TBC1D12: variants seen among roughly 807,000 people sequenced by gnomAD.
TBC1D12 encodes TBC1 domain family member 12.
Under a neutral mutation model 86.7 loss-of-function variants are expected in TBC1D12, and 56 were observed. The ratio of observed to expected loss-of-function variants is 0.65; its 90% CI spans 0.52 to 0.81. TBC1D12 has a LOEUF of 0.81. Among genes scored for constraint, TBC1D12 ranks in the 30% least tolerant of loss-of-function variants. The pLI is 0.00. For synonymous variants in TBC1D12, 421 were observed against 411.7 expected, an observed-to-expected ratio of 1.02 and a Z score of -0.27; for missense variants, 1,023 against 1,038.8, an observed-to-expected ratio of 0.98 and a Z score of 0.21.
At chr10:94,513,542 A>C in intron 9 of TBC1D12, among the ~76,000 whole-genome samples, 2 of 152,194 alleles carry the variant, frequency 1.3e-5, no homozygotes, top group East Asian at 3.9e-4. Flanking sequence ...TTTTCTCTGA[A>C]CTTGTATTTC....
rs576280972 is a variant in TBC1D12 at position 94,517,247 on chromosome 10, G to A, written c.1762-4708G>A. Among the ~76,000 whole-genome samples, 28 of 152,094 alleles carry A rather than the reference G, an allele frequency of 1.8e-4. 1 individual carries two copies. In the South Asian group the frequency reaches 3.1e-3, roughly 17 times the overall value. The stretch of plus-strand genomic sequence containing the variant: ...ACAAAAATTACATGGGTGTGGAGGC[G>A]CATGCCTGTAATCCCAGCTACTCAG... On this transcript the variant is annotated intron_variant, in intron 9 of 12. Transcript: ENST00000225235.
chr10:94,483,880 CA>C (rs1554944139), intron 3 of TBC1D12, among the ~76,000 whole-genome samples: 5 of 152,124 alleles, frequency 3.3e-5, no homozygotes, highest in Non-Finnish European at 7.4e-5. Context: ...AGAGTTTCCC[CA>C]GTGTTTTCTT....
chr10:94,522,395 A>G lies in TBC1D12; in HGVS notation c.1942A>G (p.Lys648Glu), dbSNP rs752347431. Residue 648 changes from lysine (K) to glutamate (E), a missense_variant, in exon 11 of 13, where the codon AAA becomes GAA. Around this residue, in one of 2 missense-constraint regions of TBC1D12, gnomAD observed 395 missense variants for 507.7 expected, o/e 0.78. Coordinates refer to ENST00000225235, the MANE Select transcript of TBC1D12 (RefSeq NM_015188.2). ...AGTATTCTTTGAAGAAAATCTTTCC[A>G]AATTATTTCTTCACTTCAAATCTTA... The part of the protein sequence containing the change: ...FEVFFEENLS[K>E]LFLHFKSYSL... The G allele has an allele frequency of 6.8e-7, 1 of 1,469,214 alleles. No individual in the cohort carries two copies. The highest frequency in any genetic ancestry group is 2.0e-4 in the Middle Eastern group (1 of 5,124). The allele number at this position is 1,469,214 out of a possible 1,614,324, so 91.0% of individuals were successfully genotyped here. A position where few individuals can be genotyped will look rare whatever the true frequency, so the allele number is the denominator to read the frequency against.
intron 1 of TBC1D12, among the ~76,000 whole-genome samples, chr10:94,425,320 A>G (rs1447746231): frequency 6.6e-6 from 1 of 152,200 alleles, no homozygotes; most frequent in Non-Finnish European, 1.5e-5. Context: ...CTATACTTCA[A>G]TTGTGATAGT....
intron 1 of TBC1D12, among the ~76,000 whole-genome samples, chr10:94,441,366 AT>A (rs2134090152): frequency 6.6e-6 from 1 of 152,102 alleles, no homozygotes; most frequent in East Asian, 1.9e-4. Context: ...GTATTACTTA[AT>A]CCTTTAACTG....
chr10:94,524,483 G>C (rs1188593092), intron 11 of TBC1D12, among the ~76,000 whole-genome samples: 3 of 152,174 alleles, frequency 2.0e-5, no homozygotes, highest in East Asian at 1.9e-4. Flanking sequence ...GCTCACGCCT[G>C]TAATCCCAGT....
At chr10:94,427,863 GAAAA>G (rs2055168273) in intron 1 of TBC1D12, among the ~76,000 whole-genome samples, 1 of 128,014 alleles carries the variant, frequency 7.8e-6, no homozygotes, top group Non-Finnish European at 1.7e-5. Flanking sequence ...AAAAAGGAAA[GAAAA>G]GAAAGAAGAC....
chr10:94,457,762 T>G (rs1418074732), intron 2 of TBC1D12, among the ~76,000 whole-genome samples: 1 of 152,214 alleles, frequency 6.6e-6, no homozygotes, highest in Non-Finnish European at 1.5e-5. Context: ...ATGATTCCAT[T>G]TTCTCCCATT....
At position 94,535,767 on chromosome 10, in the gene TBC1D12, C is replaced by T. The variant is rs1378291288; in HGVS notation, c.*2671C>T. ...AATCATACTTTCATGTATTTGTTTC[C>T]TCAGTTGGACCTAAGTTACTGTATT... On this transcript the variant is annotated 3_prime_UTR_variant, in exon 13 of 13. Coordinates refer to ENST00000225235, the MANE Select transcript of TBC1D12 (RefSeq NM_015188.2). 2 of 152,050 alleles carry T rather than the reference C, an allele frequency of 1.3e-5. No homozygotes were observed. The highest frequency in any genetic ancestry group is 2.9e-5 in the Non-Finnish European group (2 of 67,986). The allele number at this position is 152,050 out of a possible 1,614,324, so 9.4% of individuals were successfully genotyped here.
chr10:94,522,293 T>C (rs1384824807), intron 10 of TBC1D12, 51 bp from the exon 11 acceptor site: 1 of 1,146,060 alleles, frequency 8.7e-7, no homozygotes, highest in Non-Finnish European at 1.2e-6. Flanking sequence ...TTTAATTTCT[T>C]TATTTCTAGA....
intron 3 of TBC1D12, among the ~76,000 whole-genome samples, chr10:94,488,520 A>T (rs1223883233): frequency 2.0e-5 from 3 of 146,782 alleles, no homozygotes; most frequent in African/African-American, 7.6e-5. Context: ...CCTCCCGAGT[A>T]GCTGGGCTTA....
At chr10:94,528,570 C>T (rs978149062) in intron 11 of TBC1D12, among the ~76,000 whole-genome samples, 4 of 151,970 alleles carry the variant, frequency 2.6e-5, no homozygotes, top group African/African-American at 9.7e-5. Context: ...ACCTGTAATC[C>T]CAGCACTTTG....
At chr10:94,464,688 C>A (rs547880761) in intron 2 of TBC1D12, among the ~76,000 whole-genome samples, 3 of 152,188 alleles carry the variant, frequency 2.0e-5, no homozygotes, top group Admixed American at 1.3e-4. Flanking sequence ...TTAATAAAGA[C>A]CTCAAAGGGT....
In TBC1D12 at chr10:94,467,896, A is replaced by T. The variant is rs540869371; in HGVS notation, c.1096-6772A>T. Among the ~76,000 whole-genome samples, 76 of 152,332 alleles carry T rather than the reference A, an allele frequency of 5.0e-4. 1 individual carries two copies. Among genetic ancestry groups the T allele is most frequent in the Admixed American group, 5.0e-3 (76 of 15,306 alleles). On this transcript the variant is annotated intron_variant, in intron 2 of 12. Coordinates refer to ENST00000225235, the MANE Select transcript of TBC1D12 (RefSeq NM_015188.2). ...TATTGTCCAGGCTACCTACAGTTTTATTCAGCATTGCTGAGCACCATTAGT... is the reference window on the plus strand; with the variant it reads ...TATTGTCCAGGCTACCTACAGTTTTTTTCAGCATTGCTGAGCACCATTAGT...
intron 11 of TBC1D12, among the ~76,000 whole-genome samples, chr10:94,526,825 T>A (rs1036944124): frequency 1.3e-5 from 2 of 152,202 alleles, no homozygotes; most frequent in Non-Finnish European, 2.9e-5. Flanking sequence ...TTCTCCATAG[T>A]GGCTGTACTT....
chr10:94,490,928 C>T (rs1260266456), intron 3 of TBC1D12, among the ~76,000 whole-genome samples: 2 of 151,926 alleles, frequency 1.3e-5, no homozygotes, highest in Non-Finnish European at 2.9e-5. Context: ...GATCAGTACT[C>T]AGCCAAAACC....
chr10:94,449,117 G>A (rs1012406276), intron 2 of TBC1D12, among the ~76,000 whole-genome samples: 19 of 151,992 alleles, frequency 1.3e-4, no homozygotes, highest in African/African-American at 4.3e-4. Flanking sequence ...GAATTTGAGG[G>A]GACGTTTTTT....
At chr10:94,518,629 T>C (rs542272467) in intron 9 of TBC1D12, among the ~76,000 whole-genome samples, 1 of 152,214 alleles carries the variant, frequency 6.6e-6, no homozygotes, top group Non-Finnish European at 1.5e-5. Flanking sequence ...TTTTAGTGCA[T>C]CACACCATGA....
At chr10:94,415,627 G>A (rs1011959058) in intron 1 of TBC1D12, among the ~76,000 whole-genome samples, 4 of 152,072 alleles carry the variant, frequency 2.6e-5, no homozygotes, top group African/African-American at 4.8e-5. Context: ...CCAGCTACTC[G>A]GGAGGCTGAG....
Sources: gnomAD v4.1 joint callset for allele counts (sites outside exome capture counted in the v4.1 genomes callset) on GRCh38, gnomAD v4.1.1 for gene constraint, gnomAD v4.1.1 regional missense constraint, MANE v1.5 for transcripts, NCBI Gene and HGNC (gene_info 2026-07-23, HGNC 2026-07-21) for gene names.